SNTG1: variants seen among roughly 807,000 people sequenced by gnomAD.
The protein encoded by SNTG1 is syntrophin gamma 1.
Under a neutral mutation model 74.7 loss-of-function variants are expected in SNTG1, and 39 were observed. The observed-to-expected ratio is 0.52, with a 90% CI of 0.40 to 0.68. SNTG1 has a LOEUF of 0.68. Ranked by LOEUF, SNTG1 falls within the 30% of genes least tolerant of loss-of-function variation. The probability of loss-of-function intolerance (pLI) is 0.00; values close to 1 mark genes in which losing one functional copy is unlikely to be tolerated. For synonymous variants in SNTG1, 254 were observed against 217.1 expected (o/e 1.17, Z -1.49); for missense variants, 685 against 609.5 (o/e 1.12, Z -1.30).
chr8:50,160,753 T>A (rs903317601), intron 1 of SNTG1, among the ~76,000 whole-genome samples: 3 of 152,210 alleles, frequency 2.0e-5, no homozygotes, highest in Admixed American at 2.0e-4. Flanking sequence ...CTCATACTTG[T>A]ATCAGCTTAT....
At chr8:50,533,980 T>A (rs959805078) in intron 10 of SNTG1, among the ~76,000 whole-genome samples, 9 of 152,206 alleles carry the variant, frequency 5.9e-5, no homozygotes, top group African/African-American at 1.7e-4. Context: ...TTCTATCCCA[T>A]TTATTGAAGA....
At chr8:50,103,226 T>G (rs2080219444) in intron 1 of SNTG1, among the ~76,000 whole-genome samples, 2 of 152,174 alleles carry the variant, frequency 1.3e-5, no homozygotes, top group Middle Eastern at 3.2e-3. Context: ...TGTATCCTCT[T>G]TTATTTCATT....
At chr8:50,470,790 A>C (rs1448957770) in intron 8 of SNTG1, among the ~76,000 whole-genome samples, 1 of 152,226 alleles carries the variant, frequency 6.6e-6, no homozygotes, top group Non-Finnish European at 1.5e-5. Context: ...TTTATGACAA[A>C]GAGCAAAAGA....
intron 1 of SNTG1, among the ~76,000 whole-genome samples, chr8:50,083,779 AG>A (rs1822622628): frequency 6.6e-6 from 1 of 152,176 alleles, no homozygotes. Flanking sequence ...TAACTGCTAA[AG>A]TGGTGGGATT....
intron 2 of SNTG1, among the ~76,000 whole-genome samples, chr8:50,246,013 G>C (rs1199974847): frequency 1.3e-5 from 2 of 151,424 alleles, no homozygotes; most frequent in African/African-American, 2.4e-5. Context: ...CCAGATGAAG[G>C]CTTTATCTAT....
At chr8:50,190,872 G>T (rs1649180584) in intron 2 of SNTG1, among the ~76,000 whole-genome samples, 1 of 152,084 alleles carries the variant, frequency 6.6e-6, no homozygotes, top group South Asian at 2.1e-4. Flanking sequence ...AACAGCTAGA[G>T]CATATGAAGA....
chr8:50,495,097 G>GTGAAATTTTAGGAATTC (rs2093892247), intron 8 of SNTG1, among the ~76,000 whole-genome samples: 18 of 151,996 alleles, frequency 1.2e-4, no homozygotes, highest in Admixed American at 1.2e-3. Flanking sequence ...TTTAGGAATT[G>GTGAAATTTTAGGAATTC]TGAAATTTTA....
At chr8:50,006,524 C>T (rs891143675) in intron 1 of SNTG1, among the ~76,000 whole-genome samples, 9 of 152,068 alleles carry the variant, frequency 5.9e-5, no homozygotes, top group African/African-American at 2.2e-4. Context: ...TGTTTCAAGG[C>T]TGGGTACTAT....
chr8:50,345,634 G>T (rs2091449344), intron 2 of SNTG1, among the ~76,000 whole-genome samples: 1 of 152,086 alleles, frequency 6.6e-6, no homozygotes, highest in Non-Finnish European at 1.5e-5. Context: ...TCCACTTTAT[G>T]CTCATGATTT....
intron 9 of SNTG1, among the ~76,000 whole-genome samples, chr8:50,512,164 T>C (rs2094084244): frequency 6.6e-6 from 1 of 152,132 alleles, no homozygotes; most frequent in Admixed American, 6.6e-5. Flanking sequence ...TTATTTCTCC[T>C]TCACTTATGA....
At chr8:50,393,243 C>T (rs575118088) in intron 2 of SNTG1, among the ~76,000 whole-genome samples, 86 of 152,110 alleles carry the variant, frequency 5.7e-4, no homozygotes, top group Admixed American at 1.3e-3. Flanking sequence ...AATAATCTAT[C>T]AGTTCAGTGA....
chr8:50,655,450 G>T (rs1327712600), intron 13 of SNTG1, among the ~76,000 whole-genome samples: 3 of 152,102 alleles, frequency 2.0e-5, no homozygotes, highest in Non-Finnish European at 4.4e-5. Context: ...TAATGCATAT[G>T]TTAGTAACCT....
chr8:49,910,098 T>C (rs1004378106), upstream of SNTG1, among the ~76,000 whole-genome samples: 1 of 152,138 alleles, frequency 6.6e-6, no homozygotes, highest in African/African-American at 2.4e-5. Flanking sequence ...GAATGGATGG[T>C]TCCAGACCAG....
intron 2 of SNTG1, among the ~76,000 whole-genome samples, chr8:50,209,075 T>A (rs1303108075): frequency 6.6e-6 from 1 of 152,158 alleles, no homozygotes; most frequent in Non-Finnish European, 1.5e-5. Context: ...GGAGATTATA[T>A]CCTGCACATG....
At chr8:50,551,911 C>T (rs1434586158) in intron 11 of SNTG1, among the ~76,000 whole-genome samples, 1 of 152,134 alleles carries the variant, frequency 6.6e-6, no homozygotes, top group African/African-American at 2.4e-5. Context: ...GTGCCCAGTT[C>T]TGAGACAGGA....
chr8:50,693,781 G>C (rs1033121747), intron 15 of SNTG1, among the ~76,000 whole-genome samples: 6 of 152,034 alleles, frequency 3.9e-5, no homozygotes, highest in African/African-American at 1.4e-4. Flanking sequence ...TCAATAATAT[G>C]AAACTAGAAA....
chr8:50,636,511 G>A (rs1420750442), intron 13 of SNTG1, among the ~76,000 whole-genome samples: 1 of 152,032 alleles, frequency 6.6e-6, no homozygotes. Context: ...TGCTTCCTCC[G>A]TGGGCATCAG....
Position 50,450,564 on chromosome 8 carries a change from T to C in SNTG1, c.286T>C (p.Ser96Pro). The C allele has an allele frequency of 1.2e-6, 2 of 1,613,450 alleles. No individual in the cohort carries two copies. The highest frequency in any genetic ancestry group is 1.7e-6 in the Non-Finnish European group (2 of 1,179,750). The change falls in exon 7 of 19, where the codon TCA becomes CCA. Residue 96 changes from serine to proline, a missense_variant. Physicochemically the swap from Ser to Pro is moderately conservative, Grantham distance 74 (BLOSUM62 -1). Coordinates refer to ENST00000642720, the MANE Select transcript of SNTG1 (RefSeq NM_018967.5). ...KISKEQRAEL[S>P]GLLFIGDAIL... ...TGCTTTTTCATTCACAGCGGAACTT[T>C]CAGGACTACTTTTTATTGGAGATGC...
chr8:50,559,786 G>C (rs1220490948), intron 12 of SNTG1, among the ~76,000 whole-genome samples: 1 of 152,022 alleles, frequency 6.6e-6, no homozygotes, highest in Non-Finnish European at 1.5e-5. Flanking sequence ...AGAAAATCTA[G>C]GCAATACCTT....
Sources: gnomAD v4.1 joint callset for allele counts (sites outside exome capture counted in the v4.1 genomes callset) on GRCh38, gnomAD v4.1.1 for gene constraint, MANE v1.5 for transcripts, NCBI Gene and HGNC (gene_info 2026-07-23, HGNC 2026-07-21) for gene names.